RNF150: variants seen among roughly 807,000 people sequenced by gnomAD.
RNF150 encodes the protein ring finger protein 150.
Under a neutral mutation model 39.3 loss-of-function variants are expected in RNF150, and 24 were observed. The observed-to-expected ratio is 0.61, with a 90% CI of 0.44 to 0.86. The LOEUF (loss-of-function observed/expected upper bound fraction) is 0.86, where lower values mean the gene tolerates loss of function less well. Among genes scored for constraint, RNF150 ranks in the 40% least tolerant of loss-of-function variants. The probability of loss-of-function intolerance (pLI) is 0.00; values close to 1 mark genes in which losing one functional copy is unlikely to be tolerated. For synonymous variants in RNF150, 255 were observed against 227.3 expected, an observed-to-expected ratio of 1.12 and a Z score of -1.10; for missense variants, 502 against 587.8, an observed-to-expected ratio of 0.85 and a Z score of 1.51.
intron 1 of RNF150, among the ~76,000 whole-genome samples, chr4:141,079,186 G>C (rs1738052794): frequency 6.6e-6 from 1 of 152,042 alleles, no homozygotes; most frequent in Non-Finnish European, 1.5e-5. Flanking sequence ...CTTAGTGTGA[G>C]GACTGCTTGA....
At chr4:140,919,924 C>G (rs894832499) in intron 5 of RNF150, among the ~76,000 whole-genome samples, 1 of 152,146 alleles carries the variant, frequency 6.6e-6, no homozygotes, top group Non-Finnish European at 1.5e-5. Context: ...CTGAGAAAAA[C>G]AAGCAAGGGG....
At chr4:140,908,466 C>T (rs979336420) in intron 6 of RNF150, among the ~76,000 whole-genome samples, 1 of 152,166 alleles carries the variant, frequency 6.6e-6, no homozygotes, top group Non-Finnish European at 1.5e-5. Flanking sequence ...TATATGCCAT[C>T]AGTCTTCTGA....
At chr4:141,104,166 TG>T (rs1334282693) in intron 1 of RNF150, among the ~76,000 whole-genome samples, 1 of 152,070 alleles carries the variant, frequency 6.6e-6, no homozygotes, top group African/African-American at 2.4e-5. Context: ...CCCAAAGCCC[TG>T]TGGAGAATGT....
chr4:140,872,234 A>T (rs1046632784), intron 6 of RNF150, among the ~76,000 whole-genome samples: 5 of 152,244 alleles, frequency 3.3e-5, no homozygotes, highest in Non-Finnish European at 7.3e-5. Context: ...AGTAGCTATT[A>T]ACAACATAAA....
chr4:141,024,209 A>ATT (rs1462422105), intron 1 of RNF150, among the ~76,000 whole-genome samples: 1 of 152,186 alleles, frequency 6.6e-6, no homozygotes. Context: ...CAATGGGACT[A>ATT]CAGAATAGTG....
chr4:141,198,042 T>A (rs1217959438), intron 1 of RNF150, among the ~76,000 whole-genome samples: 3 of 151,620 alleles, frequency 2.0e-5, no homozygotes, highest in Non-Finnish European at 4.4e-5. Context: ...CCTTTTTTTT[T>A]TTTTTTGGAG....
intron 1 of RNF150, among the ~76,000 whole-genome samples, chr4:141,020,596 A>G (rs1735455872): frequency 6.6e-6 from 1 of 152,116 alleles, no homozygotes; most frequent in Non-Finnish European, 1.5e-5. Flanking sequence ...TAGAGGACCT[A>G]AAAAAAGGCT....
At chr4:141,073,023 G>T (rs1048226747) in intron 1 of RNF150, among the ~76,000 whole-genome samples, 18 of 152,074 alleles carry the variant, frequency 1.2e-4, no homozygotes, top group African/African-American at 4.3e-4. Context: ...ACCCACACAA[G>T]TTCCATTATC....
chr4:140,918,105 G>A (rs1730923656), intron 5 of RNF150, among the ~76,000 whole-genome samples: 1 of 151,918 alleles, frequency 6.6e-6, no homozygotes, highest in African/African-American at 2.4e-5. Flanking sequence ...ATCCAAAATT[G>A]ACACCCTAAC....
At chr4:141,181,914 A>G (rs866088845) in intron 1 of RNF150, among the ~76,000 whole-genome samples, 4 of 152,164 alleles carry the variant, frequency 2.6e-5, no homozygotes, top group South Asian at 2.1e-4. Flanking sequence ...ATTGGGATGT[A>G]CCTTGACTGG....
intron 1 of RNF150, among the ~76,000 whole-genome samples, chr4:140,969,346 G>A (rs542687043): frequency 2.0e-5 from 3 of 152,202 alleles, no homozygotes; most frequent in Admixed American, 2.0e-4. Flanking sequence ...CCATAGTATG[G>A]GTTTGGCTGT....
intron 6 of RNF150, among the ~76,000 whole-genome samples, chr4:140,892,757 C>G (rs974852987): frequency 2.0e-5 from 3 of 151,170 alleles, no homozygotes; most frequent in African/African-American, 4.9e-5. Context: ...CAAACTGTAC[C>G]CTAGAGTAAA....
chr4:141,132,420 T>C lies in RNF150; in HGVS notation c.389A>G (p.Asp130Gly). The C allele has an allele frequency of 6.2e-7, 1 of 1,609,854 alleles. No individual in the cohort carries two copies. The highest frequency in any genetic ancestry group is 8.5e-7 in the Non-Finnish European group (1 of 1,178,608). ...LIPKGNCTYR[D>G]KIRNAFLQNA... ...CTGCAGGAACGCGTTCCGGATCTTA[T>C]CCCTGTACGTGCAGTTGCCCTTGGG... The change falls in exon 1 of 7, where the codon GAT becomes GGT. Residue 130 changes from aspartate to glycine, a missense_variant. By Grantham distance (94) the Asp-to-Gly change is moderately conservative. Transcript: ENST00000515673. The surrounding 1 kb of genome is among the most constrained non-coding windows in gnomAD (Gnocchi z 4.9).
At chr4:141,195,545 G>T (rs1041798986) in intron 1 of RNF150, among the ~76,000 whole-genome samples, 2 of 152,134 alleles carry the variant, frequency 1.3e-5, no homozygotes, top group East Asian at 3.9e-4. Flanking sequence ...TGGGTAGAAG[G>T]TTGGGGGATG....
At chr4:141,080,949 G>A (rs1224677255) in intron 1 of RNF150, among the ~76,000 whole-genome samples, 1 of 152,180 alleles carries the variant, frequency 6.6e-6, no homozygotes, top group Admixed American at 6.5e-5. Flanking sequence ...AACGAGACCT[G>A]CAGGTACGGC....
intron 6 of RNF150, among the ~76,000 whole-genome samples, chr4:140,869,717 T>C (rs1411240077): frequency 6.6e-6 from 1 of 152,214 alleles, no homozygotes; most frequent in East Asian, 1.9e-4. Context: ...TAATCTGTAT[T>C]ATAGCCAGAT....
chr4:141,000,068 GAA>G (rs1734595377), intron 1 of RNF150, among the ~76,000 whole-genome samples: 13 of 95,214 alleles, frequency 1.4e-4, no homozygotes, highest in African/African-American at 4.4e-4. Flanking sequence ...AGAAGAAGAA[GAA>G]GAAGAAGAAG....
chr4:140,981,386 A>T (rs1056593426), intron 1 of RNF150, among the ~76,000 whole-genome samples: 1 of 152,166 alleles, frequency 6.6e-6, no homozygotes, highest in Non-Finnish European at 1.5e-5. Context: ...TAATACTTTT[A>T]GTAACTTTTG....
In RNF150 at chr4:141,132,755, C is replaced by T; in HGVS notation, c.54G>A (p.Leu18=). ...GCAGATGCACGAAACAAAAGGAAAG[C>T]AGCCATGTTGAGAGAGCCAGACTGC... ...ACCSLALSTW[L]LSFCFVHLLC... The change falls in exon 1 of 7, where the codon CTG becomes CTA. Residue 18 remains leucine, a synonymous_variant. Coordinates refer to ENST00000515673, the MANE Select transcript of RNF150 (RefSeq NM_020724.2). This position sits in a 1 kb window ranked among gnomAD's most constrained non-coding sequence, Gnocchi z 4.9. The T allele has an allele frequency of 6.2e-7, 1 of 1,610,674 alleles. No homozygotes were observed.
Sources: gnomAD v4.1 joint callset for allele counts (sites outside exome capture counted in the v4.1 genomes callset) on GRCh38, gnomAD v4.1.1 for gene constraint, Gnocchi (gnomAD v3.1) non-coding constraint, MANE v1.5 for transcripts, NCBI Gene and HGNC (gene_info 2026-07-23, HGNC 2026-07-21) for gene names.